The following CAMK2D variants were observed in gnomAD, a reference collection of about 807,000 sequenced individuals.
CAMK2D encodes calcium/calmodulin-dependent protein kinase type II subunit delta.
CAMK2D carries 37 observed loss-of-function variants against 84.0 expected under a neutral mutation model. The ratio of observed to expected loss-of-function variants is 0.44; its 90% CI spans 0.34 to 0.58. The LOEUF (loss-of-function observed/expected upper bound fraction) is 0.58. Ranked by LOEUF, CAMK2D falls within the 20% of genes least tolerant of loss-of-function variation. The probability of loss-of-function intolerance (pLI) is 0.02; values close to 1 mark genes in which losing one functional copy is unlikely to be tolerated. For synonymous variants in CAMK2D, 202 were observed against 212.5 expected, an observed-to-expected ratio of 0.95 and a Z score of 0.43; for missense variants, 448 against 652.5, an observed-to-expected ratio of 0.69 and a Z score of 3.41.
intron 2 of CAMK2D, among the ~76,000 whole-genome samples, chr4:113,696,229 C>T (rs1018023252): frequency 1.6e-5 from 2 of 126,600 alleles, no homozygotes; most frequent in African/African-American, 5.3e-5. Flanking sequence ...CACACACACA[C>T]ACATACACAT....
intron 2 of CAMK2D, among the ~76,000 whole-genome samples, chr4:113,724,586 C>G (rs1267502195): frequency 6.6e-6 from 1 of 151,758 alleles, no homozygotes; most frequent in Non-Finnish European, 1.5e-5. Flanking sequence ...AAAAGCCTCC[C>G]AATCTCTTGG....
chr4:113,540,176 T>G (rs1032899777), intron 6 of CAMK2D, among the ~76,000 whole-genome samples: 27 of 152,148 alleles, frequency 1.8e-4, no homozygotes, highest in African/African-American at 6.3e-4. Flanking sequence ...TTACTACCAC[T>G]CATATAGCTT....
rs2098729220 is a variant in CAMK2D at position 113,567,168 on chromosome 4, C to CCT, written c.276-15073_276-15072insAG. Among the ~76,000 whole-genome samples, 10 of 129,380 alleles carry CCT rather than the reference C, an allele frequency of 7.7e-5. No individual in the cohort carries two copies. The East Asian group carries it at 1.1e-3, about 14-fold the overall frequency. 84.9% of individuals were successfully genotyped at this position (129,380 alleles called of 152,430 possible). On this transcript the variant is annotated intron_variant, in intron 4 of 20. Transcript: ENST00000511664. ...GAGATCTTTTTTTTCTTTTCTTTTC[C>CCT]TTTTTTTTTTTTTTTTTGAGATGGA...
intron 4 of CAMK2D, among the ~76,000 whole-genome samples, chr4:113,594,011 T>C (rs1389346740): frequency 1.3e-5 from 2 of 152,310 alleles, no homozygotes; most frequent in South Asian, 2.1e-4. Flanking sequence ...TAACTGGCTC[T>C]TCTTCAGGCT....
chr4:113,517,690 G>A, intron 8 of CAMK2D, 33 bp from the exon 9 acceptor site: 1 of 991,134 alleles, frequency 1.0e-6, no homozygotes, highest in Non-Finnish European at 1.6e-6. Flanking sequence ...CACAATTTAA[G>A]TCATATAGAC....
At chr4:113,500,329 A>T in intron 16 of CAMK2D, 134 bp downstream of exon 16, 1 of 494,704 alleles carries the variant, frequency 2.0e-6, no homozygotes, top group Non-Finnish European at 3.6e-6. Flanking sequence ...AATATTTTTT[A>T]CTCATAAATA....
At chr4:113,725,232 G>A (rs1198427340) in intron 2 of CAMK2D, among the ~76,000 whole-genome samples, 2 of 151,958 alleles carry the variant, frequency 1.3e-5, no homozygotes, top group African/African-American at 4.8e-5. Flanking sequence ...ATATAACTAT[G>A]TATATATCTT....
rs143059037 is a variant in CAMK2D at position 113,644,054 on chromosome 4, G to A, written c.220+17659C>T. Among the ~76,000 whole-genome samples, 13 of 152,172 alleles carry A rather than the reference G, an allele frequency of 8.5e-5. No individual in the cohort carries two copies. In the South Asian group the frequency reaches 1.0e-3, roughly 12 times the overall value. The stretch of plus-strand genomic sequence containing the variant: ...GTCATTCTAGTTTATACCTATTATT[G>A]TCAGAAGAAGTTTGTGTAATTAAGA... On this transcript the variant is annotated intron_variant, in intron 3 of 20. Coordinates refer to ENST00000511664, the MANE Select transcript of CAMK2D (RefSeq NM_001321571.2).
chr4:113,509,752 T>C, intron 12 of CAMK2D, 77 bp from the exon 13 acceptor site: 3 of 1,034,888 alleles, frequency 2.9e-6, no homozygotes, highest in Admixed American at 1.7e-5. Flanking sequence ...AGTCAGGTTA[T>C]TGTCTCCTTC....
At chr4:113,716,641 A>C (rs1402324356) in intron 2 of CAMK2D, among the ~76,000 whole-genome samples, 1 of 104,526 alleles carries the variant, frequency 9.6e-6, no homozygotes, top group Non-Finnish European at 1.8e-5. Flanking sequence ...ACAGAGCAAG[A>C]CTCCATCCAA....
At chr4:113,508,105 A>G (rs2098155968) in intron 13 of CAMK2D, 1 of 650,850 alleles carries the variant, frequency 1.5e-6, no homozygotes, top group Non-Finnish European at 2.8e-6. Flanking sequence ...CCGTGTTTTG[A>G]TAGTTGACTA....
intron 4 of CAMK2D, among the ~76,000 whole-genome samples, chr4:113,572,522 T>A (rs1186069183): frequency 6.6e-6 from 1 of 150,764 alleles, no homozygotes; most frequent in Non-Finnish European, 1.5e-5. Context: ...CCAACAATTA[T>A]ATGAAAAAAA....
chr4:113,745,207 T>C lies in CAMK2D; in HGVS notation c.160+14113A>G, dbSNP rs566712906. Among the ~76,000 whole-genome samples the C allele has an allele frequency of 6.6e-5, 10 of 152,318 alleles. No individual in the cohort carries two copies. In the South Asian group the frequency reaches 2.1e-3, roughly 32 times the overall value. On this transcript the variant is annotated intron_variant, in intron 2 of 20. Coordinates refer to ENST00000511664, the MANE Select transcript of CAMK2D (RefSeq NM_001321571.2). ...CCTTTACGTGTTTTTAACCTTTTCTTTCCTGATTTCCCAGATTGTCTATCC... is the reference window on the plus strand; with the variant it reads ...CCTTTACGTGTTTTTAACCTTTTCTCTCCTGATTTCCCAGATTGTCTATCC...
chr4:113,728,459 G>T (rs1360328420), intron 2 of CAMK2D, among the ~76,000 whole-genome samples: 1 of 152,168 alleles, frequency 6.6e-6, no homozygotes, highest in Non-Finnish European at 1.5e-5. Flanking sequence ...GTGGGAGGAT[G>T]TTGGGGGAAA....
At chr4:113,577,981 A>G (rs969219689) in intron 4 of CAMK2D, among the ~76,000 whole-genome samples, 1 of 152,142 alleles carries the variant, frequency 6.6e-6, no homozygotes, top group Non-Finnish European at 1.5e-5. Flanking sequence ...CAGTCCTACC[A>G]TCCTTCTATA....
intron 16 of CAMK2D, among the ~76,000 whole-genome samples, chr4:113,470,665 C>T: frequency 6.7e-6 from 1 of 150,374 alleles, no homozygotes. Flanking sequence ...AAAAAGTCTT[C>T]CCTGAGCCTC....
chr4:113,598,255 T>C (rs2154257723), intron 4 of CAMK2D, among the ~76,000 whole-genome samples: 1 of 152,250 alleles, frequency 6.6e-6, no homozygotes, highest in South Asian at 2.1e-4. Context: ...TCAACTGATC[T>C]TTGATAAAAG....
Position 113,537,328 on chromosome 4 carries a change from G to C in CAMK2D, c.517+13C>G. The C allele has an allele frequency of 1.4e-6, 2 of 1,423,758 alleles. No individual in the cohort carries two copies. Among genetic ancestry groups the C allele is most frequent in the Non-Finnish European group, 2.0e-6 (2 of 1,008,788 alleles). The allele number at this position is 1,423,758 out of a possible 1,614,324, so 88.2% of individuals were successfully genotyped here. ...AAGACTATAGGTAGCATGAAGGAGGGGGCCCTACTCACCAAACCACGCCTG... is the reference window on the plus strand; with the variant it reads ...AAGACTATAGGTAGCATGAAGGAGGCGGCCCTACTCACCAAACCACGCCTG... On this transcript the variant is annotated intron_variant, in intron 7 of 20. Coordinates refer to ENST00000511664, the MANE Select transcript of CAMK2D (RefSeq NM_001321571.2).
chr4:113,700,430 C>T (rs1311124337), intron 2 of CAMK2D, among the ~76,000 whole-genome samples: 2 of 152,166 alleles, frequency 1.3e-5, no homozygotes, highest in Admixed American at 6.6e-5. Flanking sequence ...TCAACTCCTG[C>T]TGGCTCTGTG....
Sources: allele counts gnomAD v4.1 joint callset (sites outside exome capture counted in the v4.1 genomes callset), GRCh38; gene constraint gnomAD v4.1.1; transcripts MANE v1.5; gene names NCBI Gene and HGNC (gene_info 2026-07-23, HGNC 2026-07-21).